Variants in FAM178B observed in about 807,000 individuals in gnomAD.
FAM178B encodes the protein protein FAM178B.
FAM178B carries 82 observed loss-of-function variants against 91.7 expected under a neutral mutation model. That is an observed-to-expected ratio of 0.89 (90% CI 0.75 to 1.07). FAM178B has a LOEUF of 1.07. FAM178B is among the 50% of genes least tolerant of loss of function. The pLI is 0.00. For synonymous variants in FAM178B, 368 were observed against 359.4 expected (o/e 1.02, Z -0.27); for missense variants, 769 against 846.7 (o/e 0.91, Z 1.14).
chr2:96,890,973 A>G (rs1248243457), intron 14 of FAM178B, among the ~76,000 whole-genome samples: 1 of 152,250 alleles, frequency 6.6e-6, no homozygotes, highest in East Asian at 1.9e-4. Flanking sequence ...AAAGCGGCTC[A>G]GCTTTGTTTT....
Position 96,929,235 on chromosome 2 carries a change from G to A in FAM178B, c.1164C>T (p.Tyr388=). ...HSLGAHSPAL[Y]PLGPFWHGGR... The stretch of plus-strand genomic sequence containing the variant: ...CACCGTGCCAAAAGGGCCCCAGAGG[G>A]TACAGGGCAGGACTGTGGGCACCCA... The change falls in exon 9 of 17, where the codon TAC becomes TAT. Residue 388 remains tyrosine, a synonymous_variant. Transcript: ENST00000490605. 1 of 1,551,472 alleles carries A rather than the reference G, an allele frequency of 6.4e-7. No homozygotes were observed. Among genetic ancestry groups the A allele is most frequent in the South Asian group, 1.2e-5 (1 of 84,054 alleles).
chr2:96,902,968 T>C (rs1311958787), intron 12 of FAM178B, among the ~76,000 whole-genome samples: 1 of 152,252 alleles, frequency 6.6e-6, no homozygotes, highest in Non-Finnish European at 1.5e-5. Flanking sequence ...GGGCTTTTCT[T>C]AGTTTTTTAT....
chr2:96,970,705 C>T lies in FAM178B; in HGVS notation c.626+11G>A, dbSNP rs2082205795. On this transcript the variant is annotated intron_variant, in intron 4 of 16. Transcript: ENST00000490605. ...ATAAGCACCCCATGACAGGCCACGCCCTGTGCTCACCTCTTCTCCTGCAGT... is the reference window on the plus strand; with the variant it reads ...ATAAGCACCCCATGACAGGCCACGCTCTGTGCTCACCTCTTCTCCTGCAGT... 1 of 1,549,998 alleles carries T rather than the reference C, an allele frequency of 6.5e-7. No homozygotes were observed. The highest frequency in any genetic ancestry group is 1.2e-5 in the South Asian group (1 of 84,016).
intron 8 of FAM178B, among the ~76,000 whole-genome samples, chr2:96,936,498 G>GTT (rs772029073): frequency 0.06 from 8,143 of 135,958 alleles, 838 homozygotes; most frequent in African/African-American, 0.21. Context: ...CCACGCCCGG[G>GTT]TTTTTTTTTT....
intron 8 of FAM178B, among the ~76,000 whole-genome samples, chr2:96,935,441 C>G (rs1344679019): frequency 6.6e-6 from 1 of 152,140 alleles, no homozygotes; most frequent in Non-Finnish European, 1.5e-5. Flanking sequence ...ACTTGGCCAC[C>G]TAAGCATGCA....
At chr2:96,959,199 G>GAAAAAAAAA (rs57498168) in intron 6 of FAM178B, among the ~76,000 whole-genome samples, 3 of 82,130 alleles carry the variant, frequency 3.7e-5, no homozygotes, top group African/African-American at 9.7e-5. Context: ...ACTCAGTTTT[G>GAAAAAAAAA]AAAAAAAAAA....
At chr2:96,912,500 G>C (rs1246456633) in intron 12 of FAM178B, among the ~76,000 whole-genome samples, 2 of 152,018 alleles carry the variant, frequency 1.3e-5, no homozygotes, top group Admixed American at 6.5e-5. Flanking sequence ...GGAGGGCCCT[G>C]GGAAGCCCAG....
intron 14 of FAM178B, among the ~76,000 whole-genome samples, chr2:96,883,238 A>G (rs1419344048): frequency 6.6e-6 from 1 of 152,228 alleles, no homozygotes; most frequent in Non-Finnish European, 1.5e-5. Flanking sequence ...TCCCAAGTCA[A>G]CTAGGAGCCA....
intron 15 of FAM178B, 31 bp downstream of exon 15, chr2:96,878,385 C>T (rs2080299218): frequency 6.2e-7 from 1 of 1,604,276 alleles, no homozygotes; most frequent in Admixed American, 1.7e-5. Context: ...CTGGGCACCC[C>T]CACCACAGCC....
At chr2:96,917,139 C>A (rs1407981190) in intron 12 of FAM178B, among the ~76,000 whole-genome samples, 1 of 152,194 alleles carries the variant, frequency 6.6e-6, no homozygotes, top group Non-Finnish European at 1.5e-5. Flanking sequence ...GGCGGCCAGC[C>A]AGGTGGCTCT....
intron 12 of FAM178B, among the ~76,000 whole-genome samples, chr2:96,908,582 G>C (rs746313952): frequency 6.6e-6 from 1 of 152,134 alleles, no homozygotes. Flanking sequence ...CTATGTGATG[G>C]AAGCTGTGAA....
chr2:96,919,052 G>A (rs1016009295), intron 12 of FAM178B, among the ~76,000 whole-genome samples: 8 of 152,186 alleles, frequency 5.3e-5, no homozygotes, highest in Non-Finnish European at 8.8e-5. Context: ...TTTTGGAGAC[G>A]TGAGCCCGTC....
In FAM178B at chr2:96,972,151, G is replaced by A. The variant is rs772032437; in HGVS notation, c.314C>T (p.Thr105Met). ...KKPKIQAPGE[T>M]FPTDWSPPPV... is the part of the protein sequence containing the mutation. ...CGGGGGGCTCCAGTCAGTGGGAAAC[G>A]TTTCCCCAGGTGCCTGTATCTTGGG... The change falls in exon 3 of 17, where the codon ACG becomes ATG. Residue 105 changes from threonine (T) to methionine (M), a missense_variant. Physicochemically the swap from Thr to Met is moderately conservative, Grantham distance 81. Coordinates refer to ENST00000490605, the MANE Select transcript of FAM178B (RefSeq NM_001122646.3). 282 of 1,541,424 alleles carry A rather than the reference G, an allele frequency of 1.8e-4. No individual in the cohort carries two copies. Among genetic ancestry groups the A allele is most frequent in the East Asian group, 1.5e-3 (60 of 40,866 alleles).
At chr2:96,904,155 G>C (rs2080986173) in intron 12 of FAM178B, among the ~76,000 whole-genome samples, 1 of 151,778 alleles carries the variant, frequency 6.6e-6, no homozygotes, top group East Asian at 1.9e-4. Flanking sequence ...TAGGTACAAA[G>C]TTGCAAAAAA....
At chr2:96,967,911 CTTTTTTTTTTTTT>C (rs60965536) in intron 4 of FAM178B, among the ~76,000 whole-genome samples, 56 of 62,444 alleles carry the variant, frequency 9.0e-4, no homozygotes, top group African/African-American at 2.4e-3. Context: ...CCTGTTTGGT[CTTTTTTTTTTTTT>C]TTTTTTTTTT....
In FAM178B at chr2:96,883,440, T is replaced by A. The variant is rs183208121; in HGVS notation, c.1777-4947A>T. On this transcript the variant is annotated intron_variant, in intron 14 of 16. Coordinates refer to ENST00000490605, the MANE Select transcript of FAM178B (RefSeq NM_001122646.3). Reference sequence around the variant, plus strand: ...AGCCACTCGCTCTGGCCAGAACATATAACCTTTCTCCCCCATCAGGTCATG... The same window carrying A: ...AGCCACTCGCTCTGGCCAGAACATAAAACCTTTCTCCCCCATCAGGTCATG... Among the ~76,000 whole-genome samples, 223 of 152,106 alleles carry A rather than the reference T, an allele frequency of 1.5e-3. 10 individuals are homozygous for A. The East Asian group carries it at 0.032, about 22-fold the overall frequency.
At chr2:96,932,141 CCAAG>C (rs2081550430) in intron 8 of FAM178B, among the ~76,000 whole-genome samples, 3 of 152,170 alleles carry the variant, frequency 2.0e-5, no homozygotes, top group African/African-American at 7.2e-5. Context: ...GCCTCAGACC[CCAAG>C]GAGGTTGTGC....
intron 10 of FAM178B, among the ~76,000 whole-genome samples, 156 bp downstream of exon 10, chr2:96,923,334 C>T (rs1287070564): frequency 6.6e-6 from 1 of 152,212 alleles, no homozygotes; most frequent in Non-Finnish European, 1.5e-5. Flanking sequence ...TGTCCGATAA[C>T]ACAGTTTCTG....
intron 1 of FAM178B, among the ~76,000 whole-genome samples, chr2:96,980,345 G>C (rs1183329986): frequency 6.6e-6 from 1 of 151,420 alleles, no homozygotes; most frequent in African/African-American, 2.4e-5. Context: ...CAAAGTGCTG[G>C]GATTACAGGT....
Sources: gnomAD v4.1 joint callset for allele counts (sites outside exome capture counted in the v4.1 genomes callset) on GRCh38, gnomAD v4.1.1 for gene constraint, MANE v1.5 for transcripts, NCBI Gene and HGNC (gene_info 2026-07-23, HGNC 2026-07-21) for gene names.